The following SPECC1 variants were observed in gnomAD, a reference collection of about 807,000 sequenced individuals.
The protein encoded by SPECC1 is sperm antigen with calponin homology and coiled-coil domains 1, also known as cytospin-B.
Under a neutral mutation model 104.1 loss-of-function variants are expected in SPECC1, and 62 were observed. The observed-to-expected ratio is 0.60, with a 90% CI of 0.49 to 0.74. The LOEUF is 0.74. Among genes scored for constraint, SPECC1 ranks in the 30% least tolerant of loss-of-function variants. SPECC1 has a pLI of 0.00. For synonymous variants in SPECC1, 513 were observed against 501.6 expected, an observed-to-expected ratio of 1.02 and a Z score of -0.30; for missense variants, 1,306 against 1,310.5, an observed-to-expected ratio of 1.00 and a Z score of 0.05.
chr17:20,287,982 T>A (rs1274756981), intron 12 of SPECC1, among the ~76,000 whole-genome samples: 1 of 151,854 alleles, frequency 6.6e-6, no homozygotes, highest in African/African-American at 2.4e-5. Context: ...TAGTGTATGT[T>A]GTTTCTCTCC....
intron 7 of SPECC1, among the ~76,000 whole-genome samples, chr17:20,236,099 C>G (rs1186958194): frequency 6.6e-6 from 1 of 152,134 alleles, no homozygotes; most frequent in Non-Finnish European, 1.5e-5. Flanking sequence ...TTTAAGGTCC[C>G]TTTTCCAGCT....
intron 3 of SPECC1, among the ~76,000 whole-genome samples, chr17:20,152,376 C>G (rs566357953): frequency 2.0e-4 from 31 of 152,318 alleles, no homozygotes; most frequent in African/African-American, 7.2e-4. Flanking sequence ...TGAATTCTGT[C>G]TGAGATGTGC....
chr17:20,015,832 C>T (rs936517531), intron 1 of SPECC1, among the ~76,000 whole-genome samples: 2 of 150,386 alleles, frequency 1.3e-5, no homozygotes, highest in Non-Finnish European at 3.0e-5. Flanking sequence ...GATCCGCCCG[C>T]CTCGGCCTCC....
chr17:20,067,091 A>G (rs897659287), intron 1 of SPECC1: 5 of 152,066 alleles, frequency 3.3e-5, no homozygotes, highest in African/African-American at 9.7e-5. Context: ...TTACATGTTC[A>G]TAGTAGACAG....
chr17:20,115,025 T>C (rs1256724350), intron 3 of SPECC1, among the ~76,000 whole-genome samples: 1 of 152,170 alleles, frequency 6.6e-6, no homozygotes, highest in African/African-American at 2.4e-5. Context: ...GGTACCTCTG[T>C]AGAAATAACC....
At chr17:20,021,700 A>ATT (rs1373881239) in intron 1 of SPECC1, among the ~76,000 whole-genome samples, 1,024 of 101,600 alleles carry the variant, frequency 0.01, 15 homozygotes, top group African/African-American at 0.028. Flanking sequence ...ATATATATAT[A>ATT]TATTTTTTTG....
At chr17:20,113,481 C>G (rs2048596216) in intron 3 of SPECC1, among the ~76,000 whole-genome samples, 1 of 152,042 alleles carries the variant, frequency 6.6e-6, no homozygotes, top group African/African-American at 2.4e-5. Flanking sequence ...TTTAGTGATG[C>G]CTCCTTCTTT....
chr17:20,064,109 G>A (rs143664247), intron 1 of SPECC1, among the ~76,000 whole-genome samples: 140 of 152,326 alleles, frequency 9.2e-4, no homozygotes, highest in Non-Finnish European at 1.6e-3. Context: ...TGAGGCAAGT[G>A]AGACCAGCAG....
At position 20,304,117 on chromosome 17, in the gene SPECC1, C is replaced by CAA. The variant is rs774130653; in HGVS notation, c.3058-1881_3058-1880dup. ...CGAAACCCCTTCTCTACTAAAAATACAAAAAAAAAAAAAAAAAAAAAAAAA... is the reference window on the plus strand; with the variant it reads ...CGAAACCCCTTCTCTACTAAAAATACAAAAAAAAAAAAAAAAAAAAAAAAAAA... On this transcript the variant is annotated intron_variant, in intron 13 of 14. Transcript: ENST00000395527. Among the ~76,000 whole-genome samples, 16 of 39,336 alleles carry CAA rather than the reference C, an allele frequency of 4.1e-4. 1 individual carries two copies. Among genetic ancestry groups the CAA allele is most frequent in the Non-Finnish European group, 5.8e-4 (12 of 20,860 alleles). 25.8% of individuals were successfully genotyped at this position (39,336 alleles called of 152,430 possible). A position where few individuals can be genotyped will look rare whatever the true frequency, so the allele number is the denominator to read the frequency against.
intron 1 of SPECC1, among the ~76,000 whole-genome samples, chr17:20,057,194 C>T (rs1481528206): frequency 6.6e-6 from 1 of 152,156 alleles, no homozygotes; most frequent in African/African-American, 2.4e-5. Flanking sequence ...GTAATCCCAG[C>T]ACTTTGGGAG....
At chr17:20,052,939 G>C (rs1361469501) in intron 1 of SPECC1, among the ~76,000 whole-genome samples, 1 of 152,182 alleles carries the variant, frequency 6.6e-6, no homozygotes, top group African/African-American at 2.4e-5. Flanking sequence ...TTGCCCTAGA[G>C]ACAGGACCAC....
At position 20,204,946 on chromosome 17, in the gene SPECC1, G is replaced by C; in HGVS notation, c.897G>C (p.Glu299Asp). ...TGNQMSSDIDEYKKNIHGNAL... is the reference protein window; with the variant it reads ...TGNQMSSDIDDYKKNIHGNAL... ...ATCAGATGTCCAGTGACATTGATGA[G>C]TATAAAAAAAACATACATGGAAATG... The change falls in exon 4 of 15, where the codon GAG becomes GAC. Residue 299 changes from glutamate to aspartate, a missense_variant. By Grantham distance (45) the Glu-to-Asp change is conservative. Transcript: ENST00000395527. The C allele has an allele frequency of 6.2e-7, 1 of 1,614,064 alleles. No individual in the cohort carries two copies. Among genetic ancestry groups the C allele is most frequent in the Non-Finnish European group, 8.5e-7 (1 of 1,180,020 alleles).
rs899823806 is a variant in SPECC1 at position 20,232,298 on chromosome 17, C to T, written c.2244C>T (p.Thr748=). 25 of 1,613,966 alleles carry T rather than the reference C, an allele frequency of 1.5e-5. No homozygotes were observed. Among genetic ancestry groups the T allele is most frequent in the African/African-American group, 2.7e-5 (2 of 74,890 alleles). ...IKCEAQQELR[T]VKRKLLEEEE... is the part of the protein sequence containing the mutation. ...GTGAGGCCCAGCAGGAGCTGCGCACCGTGAAGAGGAAACTGCTGGAGGAGG... is the reference window on the plus strand; with the variant it reads ...GTGAGGCCCAGCAGGAGCTGCGCACTGTGAAGAGGAAACTGCTGGAGGAGG... The change falls in exon 7 of 15, where the codon ACC becomes ACT. Residue 748 remains threonine (T), a synonymous_variant. Transcript: ENST00000395527.
At chr17:20,120,869 T>C (rs2048993673) in intron 3 of SPECC1, among the ~76,000 whole-genome samples, 1 of 152,200 alleles carries the variant, frequency 6.6e-6, no homozygotes, top group Admixed American at 6.5e-5. Context: ...GGAGAAATCA[T>C]GTAATCTTTT....
At chr17:20,171,435 T>A (rs367625792) in intron 3 of SPECC1, among the ~76,000 whole-genome samples, 6 of 152,380 alleles carry the variant, frequency 3.9e-5, no homozygotes, top group East Asian at 1.9e-4. Context: ...TAAAATGACT[T>A]CTTCTGTAAA....
intron 13 of SPECC1, among the ~76,000 whole-genome samples, chr17:20,298,319 G>A (rs1024572195): frequency 1.3e-5 from 2 of 151,912 alleles, no homozygotes; most frequent in Middle Eastern, 3.2e-3. Context: ...GGGCAACAGA[G>A]CAAGACTCCT....
intron 1 of SPECC1, among the ~76,000 whole-genome samples, chr17:20,046,614 T>A (rs1251970995): frequency 6.6e-6 from 1 of 152,068 alleles, no homozygotes; most frequent in Non-Finnish European, 1.5e-5. Flanking sequence ...AAAAGTGGAA[T>A]AGGGTGAGTG....
At chr17:20,043,624 G>C (rs1004686058) in intron 1 of SPECC1, among the ~76,000 whole-genome samples, 5 of 152,138 alleles carry the variant, frequency 3.3e-5, no homozygotes, top group African/African-American at 1.2e-4. Flanking sequence ...ACATGACTCT[G>C]TTAATCTTTG....
chr17:20,273,425 C>A (rs960505101), intron 12 of SPECC1, among the ~76,000 whole-genome samples: 1 of 151,400 alleles, frequency 6.6e-6, no homozygotes, highest in African/African-American at 2.4e-5. Flanking sequence ...CGAGATCGTG[C>A]CACTGCATTC....
Sources: allele counts gnomAD v4.1 joint callset (sites outside exome capture counted in the v4.1 genomes callset), GRCh38; gene constraint gnomAD v4.1.1; transcripts MANE v1.5; gene names NCBI Gene and HGNC (gene_info 2026-07-23, HGNC 2026-07-21).